The following HECW1 variants were observed in gnomAD, a reference collection of about 807,000 sequenced individuals.
HECW1 encodes HECT, C2 and WW domain containing E3 ubiquitin protein ligase 1, also known as E3 ubiquitin-protein ligase HECW1.
In HECW1, 61 loss-of-function variants were observed where a neutral mutation model predicts 182.3. That is an observed-to-expected ratio of 0.33 (90% confidence interval 0.27 to 0.41). The LOEUF (loss-of-function observed/expected upper bound fraction) is 0.41. Among genes scored for constraint, HECW1 ranks in the 10% least tolerant of loss-of-function variants. HECW1 has a pLI of 1.00. For missense variants in HECW1, 1,739 were observed against 2,108.9 expected (o/e 0.82, Z 3.44); for synonymous variants, 859 against 832.6 (o/e 1.03, Z -0.55).
At chr7:43,226,457 G>A (rs1391872184) in intron 2 of HECW1, among the ~76,000 whole-genome samples, 1 of 152,160 alleles carries the variant, frequency 6.6e-6, no homozygotes, top group African/African-American at 2.4e-5. Flanking sequence ...GCCCTCCAGC[G>A]CTTGTTACTA....
intron 2 of HECW1, among the ~76,000 whole-genome samples, chr7:43,203,410 A>G (rs1795187304): frequency 6.6e-6 from 1 of 152,004 alleles, no homozygotes; most frequent in Admixed American, 6.6e-5. Flanking sequence ...CTGGAGTGAG[A>G]TTACTGAACA....
chr7:43,342,327 C>T (rs996122748), intron 5 of HECW1, among the ~76,000 whole-genome samples: 2 of 151,812 alleles, frequency 1.3e-5, no homozygotes, highest in Admixed American at 1.3e-4. Flanking sequence ...TCAAAAGTCA[C>T]AGCCTTTCTC....
At chr7:43,279,290 T>G (rs1013649969) in intron 3 of HECW1, among the ~76,000 whole-genome samples, 8 of 151,982 alleles carry the variant, frequency 5.3e-5, no homozygotes, top group Non-Finnish European at 1.2e-4. Flanking sequence ...CTCTGTGTCC[T>G]TTTTTTTAGG....
chr7:43,502,162 G>A (rs1390506849), intron 21 of HECW1, among the ~76,000 whole-genome samples: 10 of 152,156 alleles, frequency 6.6e-5, no homozygotes. Context: ...ACTCTGAATC[G>A]ATTGCACACC....
At chr7:43,447,892 G>A (rs748242959) in intron 11 of HECW1, among the ~76,000 whole-genome samples, 5 of 152,128 alleles carry the variant, frequency 3.3e-5, no homozygotes, top group African/African-American at 7.2e-5. Flanking sequence ...TTGGGAGGCC[G>A]AGGTGGGTGG....
At chr7:43,230,571 A>G in intron 2 of HECW1, among the ~76,000 whole-genome samples, 1 of 152,186 alleles carries the variant, frequency 6.6e-6, no homozygotes. Flanking sequence ...TGAGATTAAT[A>G]TCCTGATTTT....
At chr7:43,407,390 C>T (rs910159230) in intron 7 of HECW1, among the ~76,000 whole-genome samples, 172 bp from the exon 8 acceptor site, 7 of 152,090 alleles carry the variant, frequency 4.6e-5, no homozygotes, top group South Asian at 4.1e-4. Context: ...GTGCTACCCA[C>T]GTTTCCTGGG....
At chr7:43,275,273 A>G (rs1436492471) in intron 3 of HECW1, among the ~76,000 whole-genome samples, 1 of 152,234 alleles carries the variant, frequency 6.6e-6, no homozygotes, top group African/African-American at 2.4e-5. Context: ...ACTATTTAAT[A>G]AAATAAAAAT....
chr7:43,472,126 G>A (rs547533911), intron 16 of HECW1, among the ~76,000 whole-genome samples: 1 of 152,094 alleles, frequency 6.6e-6, no homozygotes. Context: ...ATAAAACAGA[G>A]CAGCACTGAT....
At chr7:43,121,440 A>G (rs563191421) in intron 2 of HECW1, among the ~76,000 whole-genome samples, 4 of 151,398 alleles carry the variant, frequency 2.6e-5, no homozygotes, top group African/African-American at 9.7e-5. Flanking sequence ...ATCCCCATGC[A>G]CTCTTTTGAC....
At chr7:43,424,738 C>T (rs1469492623) in intron 8 of HECW1, among the ~76,000 whole-genome samples, 2 of 152,090 alleles carry the variant, frequency 1.3e-5, no homozygotes, top group Non-Finnish European at 2.9e-5. Context: ...CTTTAAATTG[C>T]AATTTTGTCA....
At chr7:43,393,828 T>C (rs1055197335) in intron 6 of HECW1, among the ~76,000 whole-genome samples, 4 of 152,180 alleles carry the variant, frequency 2.6e-5, no homozygotes, top group Non-Finnish European at 5.9e-5. Context: ...GTACCATCCT[T>C]TGTTATCATT....
At chr7:43,167,152 T>C (rs1583787000) in intron 2 of HECW1, among the ~76,000 whole-genome samples, 1 of 152,156 alleles carries the variant, frequency 6.6e-6, no homozygotes, top group South Asian at 2.1e-4. Flanking sequence ...ATATTAGGTA[T>C]GAGAAGGGCC....
intron 2 of HECW1, among the ~76,000 whole-genome samples, chr7:43,227,982 T>A (rs1170311741): frequency 6.6e-6 from 1 of 152,224 alleles, no homozygotes; most frequent in Non-Finnish European, 1.5e-5. Context: ...AAAATAGTGC[T>A]ATCACATGCT....
In HECW1 at chr7:43,127,464, G is replaced by A. The variant is rs1332411055; in HGVS notation, c.-32+13073G>A. ...CTTGAACCTGGGAGGCAGAGGTTGC[G>A]GTAAGCCGAGATTGCACCACTGCAC... On this transcript the variant is annotated intron_variant, in intron 2 of 29. Transcript: ENST00000395891. 7.1e-5 allele frequency among the ~76,000 whole-genome samples: 10 copies of A among 140,770 alleles called. No homozygotes were observed. The South Asian group carries it at 1.5e-3, about 22-fold the overall frequency. The allele number at this position is 140,770 out of a possible 152,430, so 92.4% of individuals were successfully genotyped here. A position where few individuals can be genotyped will look rare whatever the true frequency, so the allele number is the denominator to read the frequency against.
intron 8 of HECW1, among the ~76,000 whole-genome samples, chr7:43,436,057 G>A (rs78097340): frequency 0.12 from 18,294 of 151,644 alleles, 1,700 homozygotes; most frequent in East Asian, 0.47. Flanking sequence ...CCAGCTACTC[G>A]GGAGGTTGAG....
chr7:43,258,035 C>T (rs908306743), intron 3 of HECW1, among the ~76,000 whole-genome samples: 3 of 152,014 alleles, frequency 2.0e-5, no homozygotes, highest in Non-Finnish European at 4.4e-5. Context: ...AAGTTTAATG[C>T]GATGTTAGAA....
At chr7:43,269,009 T>A (rs1802090924) in intron 3 of HECW1, among the ~76,000 whole-genome samples, 1 of 152,138 alleles carries the variant, frequency 6.6e-6, no homozygotes, top group Non-Finnish European at 1.5e-5. Flanking sequence ...GTTCATTTTT[T>A]TAAGTAAACA....
chr7:43,398,109 T>A (rs1018289919), intron 7 of HECW1, among the ~76,000 whole-genome samples: 3 of 151,984 alleles, frequency 2.0e-5, no homozygotes, highest in Admixed American at 6.6e-5. Flanking sequence ...ATACAAAAAT[T>A]AGCCAGGCAT....
Sources: gnomAD v4.1 joint callset for allele counts (sites outside exome capture counted in the v4.1 genomes callset) on GRCh38, gnomAD v4.1.1 for gene constraint, MANE v1.5 for transcripts, NCBI Gene and HGNC (gene_info 2026-07-23, HGNC 2026-07-21) for gene names.